The following RFX3 variants were observed in gnomAD, a reference collection of about 807,000 sequenced individuals.
RFX3 encodes the protein transcription factor RFX3.
RFX3 carries 14 observed loss-of-function variants against 98.6 expected under a neutral mutation model. The observed-to-expected ratio is 0.14, with a 90% CI of 0.09 to 0.22. The LOEUF (loss-of-function observed/expected upper bound fraction) is 0.22. Ranked by LOEUF, RFX3 falls within the 10% of genes least tolerant of loss-of-function variation. The pLI is 1.00. For synonymous variants in RFX3, 383 were observed against 328.4 expected (o/e 1.17, Z -1.80); for missense variants, 639 against 926.9 (o/e 0.69, Z 4.03).
chr9:3,443,249 T>TA (rs1322723354), intron 1 of RFX3, among the ~76,000 whole-genome samples: 1 of 152,214 alleles, frequency 6.6e-6, no homozygotes, highest in African/African-American at 2.4e-5. Context: ...GCAGGTTTGT[T>TA]ACATAGGTAA....
At chr9:3,377,272 G>T (rs1028546921) in intron 2 of RFX3, among the ~76,000 whole-genome samples, 2 of 152,084 alleles carry the variant, frequency 1.3e-5, no homozygotes, top group Admixed American at 6.6e-5. Context: ...CCATAAAAAA[G>T]GATGAGTTCA....
intron 1 of RFX3, among the ~76,000 whole-genome samples, chr9:3,483,599 T>G (rs996596903): frequency 2.0e-5 from 3 of 152,142 alleles, no homozygotes; most frequent in African/African-American, 7.2e-5. Context: ...TCAGACACAT[T>G]GATACCTAAG....
At chr9:3,332,296 G>C (rs1832687617) in intron 3 of RFX3, among the ~76,000 whole-genome samples, 1 of 152,110 alleles carries the variant, frequency 6.6e-6, no homozygotes. Flanking sequence ...ATCTAAATAT[G>C]AAATTCAATT....
intron 1 of RFX3, among the ~76,000 whole-genome samples, chr9:3,428,865 A>G (rs1371193682): frequency 6.6e-6 from 1 of 152,198 alleles, no homozygotes; most frequent in Non-Finnish European, 1.5e-5. Context: ...CAATTGTTCT[A>G]GATACTAGAT....
intron 6 of RFX3, among the ~76,000 whole-genome samples, chr9:3,291,390 A>AAAAACAAAAC (rs71324240): frequency 7.9e-5 from 11 of 139,940 alleles, no homozygotes; most frequent in East Asian, 4.1e-4. Flanking sequence ...AAACAAAAAC[A>AAAAACAAAAC]AAAACAAAAC....
intron 2 of RFX3, among the ~76,000 whole-genome samples, chr9:3,373,452 G>A (rs1209089629): frequency 6.6e-6 from 1 of 152,024 alleles, no homozygotes; most frequent in Non-Finnish European, 1.5e-5. Context: ...TGACACCTAT[G>A]TAGTTTAAGA....
At chr9:3,234,379 T>C (rs2130758626) in intron 15 of RFX3, among the ~76,000 whole-genome samples, 1 of 152,278 alleles carries the variant, frequency 6.6e-6, no homozygotes, top group South Asian at 2.1e-4. Flanking sequence ...TGGCTTACGC[T>C]TGTAATACTA....
rs111913815 is a variant in RFX3 at position 3,291,225 on chromosome 9, C to T, written c.731+1852G>A. On this transcript the variant is annotated intron_variant, in intron 6 of 16. Coordinates refer to ENST00000617270, the MANE Select transcript of RFX3 (RefSeq NM_001282116.2). ...ACTAAAAACACAAAAATTATCTGGG[C>T]GTGGTGGAGTGGGGTGGTGCCTGTA... 9.9e-3 allele frequency among the ~76,000 whole-genome samples: 1,510 copies of T among 151,836 alleles called. 20 individuals are homozygous for T. Among genetic ancestry groups the T allele is most frequent in the African/African-American group, 0.034 (1,425 of 41,412 alleles).
At chr9:3,337,817 T>C (rs1246634354) in intron 3 of RFX3, among the ~76,000 whole-genome samples, 1 of 152,178 alleles carries the variant, frequency 6.6e-6, no homozygotes, top group Non-Finnish European at 1.5e-5. Context: ...CCAGAGTTGG[T>C]TTCTGTTGCT....
chr9:3,276,709 C>A (rs1442850626), intron 8 of RFX3, among the ~76,000 whole-genome samples: 2 of 151,884 alleles, frequency 1.3e-5, no homozygotes, highest in African/African-American at 4.8e-5. Flanking sequence ...TCTCTGATAC[C>A]TTCTACTTAT....
chr9:3,524,084 AAAG>A (rs1279991359), intron 1 of RFX3, among the ~76,000 whole-genome samples: 7 of 145,326 alleles, frequency 4.8e-5, no homozygotes, highest in African/African-American at 1.5e-4. Flanking sequence ...TTGCTGTTAG[AAAG>A]AAGACTATTT....
chr9:3,503,856 T>A (rs908157954), intron 1 of RFX3, among the ~76,000 whole-genome samples: 1 of 151,964 alleles, frequency 6.6e-6, no homozygotes, highest in African/African-American at 2.4e-5. Flanking sequence ...AAAGATTCTG[T>A]CAAATTTAAA....
chr9:3,282,279 C>G (rs1337665321), intron 7 of RFX3, among the ~76,000 whole-genome samples: 1 of 151,776 alleles, frequency 6.6e-6, no homozygotes, highest in Non-Finnish European at 1.5e-5. Flanking sequence ...TGATGTTACA[C>G]TGAATATACT....
At position 3,270,989 on chromosome 9, in the gene RFX3, A is replaced by C. The variant is rs780595449; in HGVS notation, c.1202+14T>G. 5.0e-6 allele frequency: 8 copies of C among 1,613,606 alleles called. No homozygotes were observed. In the African/African-American group the frequency reaches 9.3e-5, roughly 19 times the overall value. ...CAGCCATGAAAATGAATTGGAAAAG[A>C]TGTTGATTCTGACCTCGATTCGGTA... On this transcript the variant is annotated intron_variant, in intron 10 of 16. Coordinates refer to ENST00000617270, the MANE Select transcript of RFX3 (RefSeq NM_001282116.2).
At chr9:3,234,492 T>C (rs1488394594) in intron 15 of RFX3, among the ~76,000 whole-genome samples, 2 of 152,000 alleles carry the variant, frequency 1.3e-5, no homozygotes, top group Non-Finnish European at 2.9e-5. Context: ...TACAAAAAAG[T>C]TAGCTGGGTG....
chr9:3,269,181 C>T lies in RFX3; in HGVS notation c.1357+1190G>A, dbSNP rs993869512. On this transcript the variant is annotated intron_variant, in intron 11 of 16. Coordinates refer to ENST00000617270, the MANE Select transcript of RFX3 (RefSeq NM_001282116.2). ...ATAATGTCAGCTAATTTTTTTTTTA[C>T]TTATTCCTATATAAATTTACGTGTG... Among the ~76,000 whole-genome samples the T allele has an allele frequency of 2.0e-5, 3 of 151,440 alleles. No homozygotes were observed. In the East Asian group the frequency reaches 5.8e-4, roughly 29 times the overall value.
intron 15 of RFX3, among the ~76,000 whole-genome samples, chr9:3,242,037 T>G (rs753890388): frequency 2.4e-4 from 37 of 152,164 alleles, no homozygotes; most frequent in Non-Finnish European, 7.4e-5. Flanking sequence ...AATCCCTATT[T>G]TGAAACTATA....
At chr9:3,289,823 A>G (rs145385822) in intron 6 of RFX3, among the ~76,000 whole-genome samples, 1 of 152,174 alleles carries the variant, frequency 6.6e-6, no homozygotes, top group Non-Finnish European at 1.5e-5. Context: ...GATTTGATTT[A>G]CTTTTTGTTT....
chr9:3,356,764 A>T (rs946305893), intron 2 of RFX3, among the ~76,000 whole-genome samples: 1 of 152,024 alleles, frequency 6.6e-6, no homozygotes, highest in Non-Finnish European at 1.5e-5. Context: ...TAATATATTT[A>T]CAGGACAATA....
Sources: gnomAD v4.1 joint callset for allele counts (sites outside exome capture counted in the v4.1 genomes callset) on GRCh38, gnomAD v4.1.1 for gene constraint, MANE v1.5 for transcripts, NCBI Gene and HGNC (gene_info 2026-07-23, HGNC 2026-07-21) for gene names.